The following GALNTL6 variants were observed in gnomAD, a reference collection of about 807,000 sequenced individuals.
GALNTL6 encodes polypeptide N-acetylgalactosaminyltransferase-like 6.
Under a neutral mutation model 73.7 loss-of-function variants are expected in GALNTL6, and 46 were observed. That is an observed-to-expected ratio of 0.62 (90% confidence interval 0.49 to 0.80). The LOEUF is 0.80. Ranked by LOEUF, GALNTL6 falls within the 30% of genes least tolerant of loss-of-function variation. The pLI is 0.00. For missense variants in GALNTL6, 604 were observed against 755.0 expected, an observed-to-expected ratio of 0.80 and a Z score of 2.34; for synonymous variants, 259 against 263.7, an observed-to-expected ratio of 0.98 and a Z score of 0.17.
intron 5 of GALNTL6, among the ~76,000 whole-genome samples, chr4:172,453,536 C>A (rs1732288335): frequency 6.6e-6 from 1 of 152,138 alleles, no homozygotes; most frequent in Non-Finnish European, 1.5e-5. Flanking sequence ...TAAGAGGAAA[C>A]AAAAGCAGAG....
chr4:171,882,574 C>T (rs1370927775), intron 2 of GALNTL6, among the ~76,000 whole-genome samples: 2 of 152,112 alleles, frequency 1.3e-5, no homozygotes, highest in Non-Finnish European at 2.9e-5. Context: ...GCCAAAGGCC[C>T]GAGAACCCCC....
At chr4:171,974,158 C>A (rs1739649760) in intron 2 of GALNTL6, among the ~76,000 whole-genome samples, 2 of 151,888 alleles carry the variant, frequency 1.3e-5, no homozygotes, top group South Asian at 4.1e-4. Flanking sequence ...TGCCACCACA[C>A]CCAGCTAACC....
chr4:171,851,150 C>G (rs1735512910), intron 2 of GALNTL6, among the ~76,000 whole-genome samples: 1 of 152,154 alleles, frequency 6.6e-6, no homozygotes, highest in Non-Finnish European at 1.5e-5. Flanking sequence ...CACTATTTCT[C>G]TTTGATCCTC....
intron 7 of GALNTL6, among the ~76,000 whole-genome samples, chr4:172,849,925 A>G (rs555309545): frequency 4.6e-5 from 7 of 152,282 alleles, no homozygotes; most frequent in African/African-American, 1.7e-4. Flanking sequence ...AGAATCTTTA[A>G]CACTTGGCAA....
intron 5 of GALNTL6, among the ~76,000 whole-genome samples, chr4:172,513,282 A>G (rs545254531): frequency 5.3e-5 from 8 of 151,990 alleles, no homozygotes; most frequent in Non-Finnish European, 7.4e-5. Flanking sequence ...TTCTCTAAGT[A>G]TGTCCTTTAT....
In GALNTL6 at chr4:171,890,896, C is replaced by T. The variant is rs370400950; in HGVS notation, c.138+76178C>T. On this transcript the variant is annotated intron_variant, in intron 2 of 12. Coordinates refer to ENST00000506823, the MANE Select transcript of GALNTL6 (RefSeq NM_001034845.3). ...GATTAAATACAGATTTCTTGTTTTGCTAATTAGCCTTATCCCTTCTTATTG... is the reference window on the plus strand; with the variant it reads ...GATTAAATACAGATTTCTTGTTTTGTTAATTAGCCTTATCCCTTCTTATTG... 2.0e-5 allele frequency among the ~76,000 whole-genome samples: 3 copies of T among 152,216 alleles called. No individual in the cohort carries two copies. In the East Asian group the frequency reaches 5.8e-4, roughly 29 times the overall value.
At chr4:172,885,125 C>T (rs760520812) in intron 8 of GALNTL6, among the ~76,000 whole-genome samples, 12 of 152,068 alleles carry the variant, frequency 7.9e-5, no homozygotes, top group Non-Finnish European at 1.5e-4. Flanking sequence ...TTGTTCCCTA[C>T]AAATTTTTGG....
At chr4:171,905,981 C>T (rs1185686595) in intron 2 of GALNTL6, among the ~76,000 whole-genome samples, 2 of 151,482 alleles carry the variant, frequency 1.3e-5, no homozygotes, top group Non-Finnish European at 2.9e-5. Flanking sequence ...ATCTCTGGGA[C>T]ACATTCAAAG....
At chr4:172,425,809 A>C (rs1376622331) in intron 5 of GALNTL6, among the ~76,000 whole-genome samples, 1 of 152,098 alleles carries the variant, frequency 6.6e-6, no homozygotes, top group Non-Finnish European at 1.5e-5. Flanking sequence ...AAAGAAAACA[A>C]TTCTACTGAG....
In GALNTL6 at chr4:172,010,598, A is replaced by AT. The variant is rs1361455212; in HGVS notation, c.138+195880_138+195881insT. 2.2e-4 allele frequency among the ~76,000 whole-genome samples: 4 copies of AT among 17,888 alleles called. No homozygotes were observed. In the East Asian group the frequency reaches 0.11, roughly 497 times the overall value. The allele number at this position is 17,888 out of a possible 152,430, so 11.7% of individuals were successfully genotyped here. A position where few individuals can be genotyped will look rare whatever the true frequency, so the allele number is the denominator to read the frequency against. Reference sequence around the variant, plus strand: ...TGCATTTGCTATTATTAAAATTTGGAATTTTTTTTAAAGCTGCTGTGTCTT... The same window carrying AT: ...TGCATTTGCTATTATTAAAATTTGGATATTTTTTTTAAAGCTGCTGTGTCTT... On this transcript the variant is annotated intron_variant, in intron 2 of 12. Coordinates refer to ENST00000506823, the MANE Select transcript of GALNTL6 (RefSeq NM_001034845.3).
chr4:172,714,306 AACACACAC>A (rs3084330), intron 5 of GALNTL6, among the ~76,000 whole-genome samples: 8,970 of 149,200 alleles, frequency 0.06, 353 homozygotes, highest in South Asian at 0.12. Context: ...TTTCACACCA[AACACACAC>A]ACACACACAC....
chr4:172,494,096 G>C (rs1225365852), intron 5 of GALNTL6, among the ~76,000 whole-genome samples: 1 of 152,018 alleles, frequency 6.6e-6, no homozygotes, highest in Non-Finnish European at 1.5e-5. Context: ...ACAGAACCAA[G>C]CACTATATTC....
rs201611894 is a variant in GALNTL6 at position 172,333,244 on chromosome 4, G to A, written c.387-15279G>A. Among the ~76,000 whole-genome samples the A allele has an allele frequency of 8.0e-4, 122 of 151,948 alleles. 2 individuals carry two copies. The South Asian group carries it at 0.016, about 20-fold the overall frequency. On this transcript the variant is annotated intron_variant, in intron 4 of 12. Transcript: ENST00000506823. ...AACATGGAGAAACCTCCTCTCTACT[G>A]AAAATACAAAATTAGCCAGGCATGG...
intron 2 of GALNTL6, among the ~76,000 whole-genome samples, chr4:171,828,845 G>A (rs1182032954): frequency 6.6e-6 from 1 of 152,066 alleles, no homozygotes; most frequent in Admixed American, 6.6e-5. Flanking sequence ...TTCGAGATCA[G>A]GCTGGTCTCG....
Position 172,003,158 on chromosome 4 carries a change from A to T in GALNTL6, c.138+188440A>T, listed in dbSNP as rs1186053569. On this transcript the variant is annotated intron_variant, in intron 2 of 12. Coordinates refer to ENST00000506823, the MANE Select transcript of GALNTL6 (RefSeq NM_001034845.3). ...TTTGTGTTGTTCTTAGGATTTACAT[A>T]TCGTTTGCTTGAATAAAAAATACAG... Among the ~76,000 whole-genome samples the T allele has an allele frequency of 2.6e-5, 4 of 152,046 alleles. 1 individual carries two copies. The highest frequency in any genetic ancestry group is 5.9e-5 in the Non-Finnish European group (4 of 67,988).
chr4:172,980,797 G>T (rs1019250827), intron 10 of GALNTL6, among the ~76,000 whole-genome samples: 2 of 152,074 alleles, frequency 1.3e-5, no homozygotes, highest in African/African-American at 2.4e-5. Flanking sequence ...ATATAAACTG[G>T]CAGGGGGGAG....
chr4:172,688,958 T>A (rs1031272151), intron 5 of GALNTL6, among the ~76,000 whole-genome samples: 32 of 16,346 alleles, frequency 2.0e-3, no homozygotes, highest in Non-Finnish European at 3.5e-3. Context: ...CCCAACTCCC[T>A]ACTCAGTAAC....
chr4:172,293,103 GTCT>G (rs1280665375), intron 3 of GALNTL6, among the ~76,000 whole-genome samples: 2 of 152,106 alleles, frequency 1.3e-5, no homozygotes, highest in East Asian at 3.9e-4. Context: ...TTCATGAGTT[GTCT>G]TCTTTTATTT....
chr4:171,924,714 T>C (rs1274360225), intron 2 of GALNTL6, among the ~76,000 whole-genome samples: 2 of 152,182 alleles, frequency 1.3e-5, no homozygotes, highest in Non-Finnish European at 2.9e-5. Context: ...CCAATTCTCC[T>C]TGTTTATCAG....
Sources: allele counts gnomAD v4.1 joint callset (sites outside exome capture counted in the v4.1 genomes callset), GRCh38; gene constraint gnomAD v4.1.1; transcripts MANE v1.5; gene names NCBI Gene and HGNC (gene_info 2026-07-23, HGNC 2026-07-21).